PTBP2: variants seen among roughly 807,000 people sequenced by gnomAD.
PTBP2 encodes polypyrimidine tract-binding protein 2.
In PTBP2, 13 loss-of-function variants were observed where a neutral mutation model predicts 61.4. That is an observed-to-expected ratio of 0.21 (90% CI 0.14 to 0.34). The LOEUF (loss-of-function observed/expected upper bound fraction) is 0.34, where lower values mean the gene tolerates loss of function less well. Ranked by LOEUF, PTBP2 falls within the 10% of genes least tolerant of loss-of-function variation. PTBP2 has a pLI of 1.00. For missense variants in PTBP2, 405 were observed against 642.6 expected (o/e 0.63, Z 4.00); for synonymous variants, 215 against 218.5 (o/e 0.98, Z 0.14).
Position 96,814,911 on chromosome 1 carries a change from CT to C in PTBP2, c.*1510del. ...CACCTTTTCTGTCTTTCTCTGCTGC[CT>C]TTTCTCTCTCCTCTTCTTTGTTTTC... On this transcript the variant is annotated 3_prime_UTR_variant, in exon 14 of 14. Coordinates refer to ENST00000674951, the MANE Select transcript of PTBP2 (RefSeq NM_021190.4). The C allele has an allele frequency of 6.6e-6, 1 of 152,584 alleles. No individual in the cohort carries two copies. Among genetic ancestry groups the C allele is most frequent in the Non-Finnish European group, 1.5e-5 (1 of 68,010 alleles). The allele number at this position is 152,584 out of a possible 1,614,324, so 9.5% of individuals were successfully genotyped here. A position where few individuals can be genotyped will look rare whatever the true frequency, so the allele number is the denominator to read the frequency against.
intron 3 of PTBP2, among the ~76,000 whole-genome samples, chr1:96,767,376 C>G (rs1014639312): frequency 1.3e-5 from 2 of 151,022 alleles, no homozygotes; most frequent in Non-Finnish European, 3.0e-5. Flanking sequence ...CTTTATTGGT[C>G]TTTTTTTTTC....
chr1:96,790,949 G>A (rs1430195450), intron 8 of PTBP2, among the ~76,000 whole-genome samples: 1 of 151,636 alleles, frequency 6.6e-6, no homozygotes, highest in African/African-American at 2.4e-5. Flanking sequence ...CAAAGACCAG[G>A]ATACATTCGT....
Position 96,813,070 on chromosome 1 carries a change from A to T in PTBP2, c.1430A>T (p.Asn477Ile). The T allele has an allele frequency of 6.2e-7, 1 of 1,613,432 alleles. No individual in the cohort carries two copies. The highest frequency in any genetic ancestry group is 8.5e-7 in the Non-Finnish European group (1 of 1,179,548). ...AEEDLRTLFANTGGTVKAFKF... is the reference protein window; with the variant it reads ...AEEDLRTLFAITGGTVKAFKF... ...GAGGATCTACGAACACTGTTCGCTA[A>T]CACTGGGGGCACTGTGAAAGCATTT... Residue 477 changes from asparagine to isoleucine, a missense_variant, in exon 13 of 14, where the codon AAC becomes ATC. This residue lies in a region of PTBP2 where 24 missense variants were observed against 27.7 expected (regional missense o/e 0.87). Coordinates refer to ENST00000674951, the MANE Select transcript of PTBP2 (RefSeq NM_021190.4).
At chr1:96,792,481 A>T (rs1228862886) in intron 8 of PTBP2, among the ~76,000 whole-genome samples, 1 of 152,178 alleles carries the variant, frequency 6.6e-6, no homozygotes, top group Non-Finnish European at 1.5e-5. Flanking sequence ...TAAATAGTGG[A>T]ATAAAATTAG....
At chr1:96,725,538 G>T (rs1365284055) in intron 2 of PTBP2, among the ~76,000 whole-genome samples, 1 of 151,870 alleles carries the variant, frequency 6.6e-6, no homozygotes. Flanking sequence ...TGACCTTGTG[G>T]TTACACCAGT....
At chr1:96,764,179 C>G (rs1202636193) in intron 3 of PTBP2, among the ~76,000 whole-genome samples, 2 of 151,608 alleles carry the variant, frequency 1.3e-5, no homozygotes, top group East Asian at 3.9e-4. Flanking sequence ...TGCTTTTTGT[C>G]AAAGAAAAAA....
chr1:96,737,724 G>T (rs1652427172), intron 2 of PTBP2, among the ~76,000 whole-genome samples: 1 of 152,182 alleles, frequency 6.6e-6, no homozygotes, highest in African/African-American at 2.4e-5. Flanking sequence ...TTAAAAAGTA[G>T]TTTTTGACAG....
chr1:96,723,911 G>A (rs1326240382), intron 2 of PTBP2, among the ~76,000 whole-genome samples: 1 of 152,118 alleles, frequency 6.6e-6, no homozygotes, highest in Non-Finnish European at 1.5e-5. Context: ...TTAAATGGAT[G>A]GTAAGTGGTT....
At chr1:96,724,561 G>C (rs927664764) in intron 2 of PTBP2, among the ~76,000 whole-genome samples, 1 of 151,878 alleles carries the variant, frequency 6.6e-6, no homozygotes, top group Non-Finnish European at 1.5e-5. Context: ...CACCGTGCCC[G>C]GCCTGTATTG....
At chr1:96,801,251 C>T (rs1660964314) in intron 8 of PTBP2, among the ~76,000 whole-genome samples, 1 of 150,414 alleles carries the variant, frequency 6.6e-6, no homozygotes, top group South Asian at 2.1e-4. Context: ...ATTAACTCAG[C>T]ATTCTTTTAA....
At chr1:96,810,317 A>G (rs937952378) in intron 11 of PTBP2, among the ~76,000 whole-genome samples, 1 of 152,194 alleles carries the variant, frequency 6.6e-6, no homozygotes, top group Non-Finnish European at 1.5e-5. Context: ...TTATTCATTT[A>G]AAATTAGTAA....
rs755855741 is a variant in PTBP2 at position 96,813,381 on chromosome 1, G to A, written c.1572G>A (p.Val524=). 8.1e-6 allele frequency: 13 copies of A among 1,595,680 alleles called. No individual in the cohort carries two copies. The highest frequency in any genetic ancestry group is 1.0e-5 in the Non-Finnish European group (12 of 1,171,736). ...YNLGENHHLR[V]SFSKSTI Reference sequence around the variant, plus strand: ...TTGGAGAAAACCATCATCTGAGAGTGTCTTTCTCCAAGTCAACAATTTAAA... The same window carrying A: ...TTGGAGAAAACCATCATCTGAGAGTATCTTTCTCCAAGTCAACAATTTAAA... Residue 524 remains valine (V), a synonymous_variant, in exon 14 of 14, where the codon GTG becomes GTA. Transcript: ENST00000674951.
chr1:96,790,110 C>T (rs1018069591), intron 8 of PTBP2, among the ~76,000 whole-genome samples: 7 of 152,140 alleles, frequency 4.6e-5, no homozygotes, highest in Non-Finnish European at 8.8e-5. Context: ...CCCAATCTCT[C>T]ATTCATTTAC....
At chr1:96,769,354 C>G (rs1435290540) in intron 3 of PTBP2, among the ~76,000 whole-genome samples, 6 of 151,926 alleles carry the variant, frequency 3.9e-5, no homozygotes, top group African/African-American at 1.4e-4. Flanking sequence ...TGTCAATGAC[C>G]AAAATGTAGT....
At chr1:96,779,357 T>G (rs1410792950) in intron 7 of PTBP2, among the ~76,000 whole-genome samples, 2 of 152,078 alleles carry the variant, frequency 1.3e-5, no homozygotes, top group Non-Finnish European at 2.9e-5. Context: ...AATATTTTCC[T>G]TGCTCTTCTG....
intron 8 of PTBP2, among the ~76,000 whole-genome samples, chr1:96,785,506 C>G (rs964509097): frequency 2.0e-5 from 3 of 152,112 alleles, no homozygotes; most frequent in Non-Finnish European, 4.4e-5. Context: ...GCCACTCTCC[C>G]AGAACAAAAG....
chr1:96,765,000 C>G (rs1656503960), intron 3 of PTBP2, among the ~76,000 whole-genome samples: 1 of 152,174 alleles, frequency 6.6e-6, no homozygotes. Flanking sequence ...AAACAGCCAA[C>G]AGAATAGCAG....
intron 2 of PTBP2, among the ~76,000 whole-genome samples, chr1:96,738,280 A>C (rs1225879910): frequency 2.0e-5 from 3 of 151,996 alleles, no homozygotes; most frequent in Non-Finnish European, 4.4e-5. Flanking sequence ...TGATTGAATT[A>C]ATAAGGTGAG....
intron 3 of PTBP2, among the ~76,000 whole-genome samples, chr1:96,765,714 A>AGATG (rs1656613966): frequency 7.1e-6 from 1 of 140,498 alleles, no homozygotes; most frequent in Non-Finnish European, 1.5e-5. Flanking sequence ...TGTCTTAGAT[A>AGATG]GATAGATAGA....
Sources: gnomAD v4.1 joint callset for allele counts (sites outside exome capture counted in the v4.1 genomes callset) on GRCh38, gnomAD v4.1.1 for gene constraint, gnomAD v4.1.1 regional missense constraint, MANE v1.5 for transcripts, NCBI Gene and HGNC (gene_info 2026-07-23, HGNC 2026-07-21) for gene names.